The following STAG2 variants were observed in gnomAD, a reference collection of about 807,000 sequenced individuals.
STAG2 encodes cohesin subunit SA-2.
STAG2 carries 14 observed loss-of-function variants against 108.1 expected under a neutral mutation model. The ratio of observed to expected loss-of-function variants is 0.13; its 90% CI spans 0.09 to 0.20. The LOEUF (loss-of-function observed/expected upper bound fraction) is 0.20. Ranked by LOEUF, STAG2 falls within the 10% of genes least tolerant of loss-of-function variation. The pLI, the probability that STAG2 is intolerant of heterozygous loss-of-function variation, is 1.00. For missense variants in STAG2, 440 were observed against 940.9 expected (o/e 0.47, Z 6.96); for synonymous variants, 307 against 302.7 (o/e 1.01, Z -0.15).
intron 34 of STAG2, among the ~76,000 whole-genome samples, chrX:124,095,998 C>T (rs2059367046): frequency 9.1e-6 from 1 of 109,881 alleles, no homozygotes; most frequent in Non-Finnish European, 1.9e-5. Flanking sequence ...TATCAGTCCC[C>T]TGTGCCATAT....
chrX:124,029,964 G>A (rs1232776699), intron 4 of STAG2, among the ~76,000 whole-genome samples: 5 of 110,139 alleles, frequency 4.5e-5, no homozygotes, highest in African/African-American at 6.6e-5. Flanking sequence ...CTACCCGCGC[G>A]TCCCCACCCC....
intron 32 of STAG2, chrX:124,093,767 A>T (rs1299657988): frequency 1.7e-5 from 5 of 293,483 alleles, no homozygotes; most frequent in African/African-American, 1.4e-4. Context: ...AACCTTGTAT[A>T]TGGGATATCA....
intron 29 of STAG2, 77 bp downstream of exon 29, chrX:124,083,626 C>T: frequency 1.2e-6 from 1 of 830,345 alleles, no homozygotes; most frequent in South Asian, 3.1e-5. Flanking sequence ...TGGTTTCTCT[C>T]CTTTCTACTC....
In STAG2 at chrX:124,047,495, A is replaced by C. The variant is rs1162662365; in HGVS notation, c.809A>C (p.Lys270Thr). The C allele has an allele frequency of 8.3e-7, 1 of 1,206,537 alleles. No individual in the cohort carries two copies. Among genetic ancestry groups the C allele is most frequent in the Non-Finnish European group, 1.1e-6 (1 of 893,414 alleles). ...ANERLELLLQ[K>T]RKELQENQDE... Reference sequence around the variant, plus strand: ...GAGAGGCTAGAACTCCTGCTACAAAAGCGGAAAGAGGTAAACTTTTATATT... The same window carrying C: ...GAGAGGCTAGAACTCCTGCTACAAACGCGGAAAGAGGTAAACTTTTATATT... Residue 270 changes from lysine (K) to threonine (T), a missense_variant, in exon 9 of 35, where the codon AAG becomes ACG. By Grantham distance (78) the Lys-to-Thr change is moderately conservative. Coordinates refer to ENST00000371145, the MANE Select transcript of STAG2 (RefSeq NM_001042750.2).
chrX:124,057,313 G>A (rs1263025708), intron 14 of STAG2, among the ~76,000 whole-genome samples: 1 of 111,639 alleles, frequency 9.0e-6, no homozygotes, highest in Non-Finnish European at 1.9e-5. Context: ...AATGCCTGTT[G>A]GGGGTGCAGC....
At chrX:123,982,585 C>T (rs1244243478) in intron 1 of STAG2, among the ~76,000 whole-genome samples, 1 of 110,973 alleles carries the variant, frequency 9.0e-6, no homozygotes, top group Non-Finnish European at 1.9e-5. Flanking sequence ...TGGAGTTTCA[C>T]CATGTTGGCC....
chrX:124,050,151 A>G lies in STAG2; in HGVS notation c.894-35A>G, dbSNP rs2236535. On this transcript the variant is annotated intron_variant, in intron 10 of 34. Transcript: ENST00000371145. ...ACCATAAGTTTTGTGGTATATTGGC[A>G]CTAATTATGCATCGTTTTTCCTTCC... is the stretch of plus-strand genomic sequence containing the variant. The G allele has an allele frequency of 6.1e-4, 734 of 1,196,760 alleles. 6 individuals are homozygous for G. In the East Asian group the frequency reaches 0.022, roughly 35 times the overall value.
intron 7 of STAG2, among the ~76,000 whole-genome samples, chrX:124,044,306 A>G (rs368960803): frequency 1.4e-4 from 16 of 111,917 alleles, no homozygotes; most frequent in African/African-American, 5.2e-4. Context: ...TCACTAAATT[A>G]GCCAATCAGA....
intron 1 of STAG2, among the ~76,000 whole-genome samples, chrX:123,992,026 TTAAAGTATATGGGA>T: frequency 8.9e-6 from 1 of 112,491 alleles, no homozygotes; most frequent in Non-Finnish European, 1.9e-5. Flanking sequence ...TAGAAGTGAT[TTAAAGTATATGGGA>T]GGATGTACGT....
chrX:124,026,087 C>CAGGTAGCCTT (rs1458158035), intron 4 of STAG2, among the ~76,000 whole-genome samples, 169 bp downstream of exon 4: 1 of 104,783 alleles, frequency 9.5e-6, no homozygotes, highest in Non-Finnish European at 1.9e-5. Context: ...TCTTCTAGAC[C>CAGGTAGCCTT]AGGTAGCCTT....
At position 123,967,947 on chromosome X, in the gene STAG2, C is replaced by G. The variant is rs752632153; in HGVS notation, c.-163+6091C>G. ...ATGGAGTCTCCCTCTGTCGCTCAGG[C>G]TGGGGTGCAGTGGCGAGATCTTGGC... On this transcript the variant is annotated intron_variant, in intron 1 of 34. Coordinates refer to ENST00000371145, the MANE Select transcript of STAG2 (RefSeq NM_001042750.2). 1.5e-3 allele frequency among the ~76,000 whole-genome samples: 167 copies of G among 108,391 alleles called. 1 individual carries two copies. The highest frequency in any genetic ancestry group is 0.015 in the Admixed American group (152 of 10,104). The allele number at this position is 108,391 out of a possible 115,157, so 94.1% of individuals were successfully genotyped here. A position where few individuals can be genotyped will look rare whatever the true frequency, so the allele number is the denominator to read the frequency against.
Position 124,051,099 on chromosome X carries a change from CTTTT to C in STAG2, c.1018-6_1018-3del, listed in dbSNP as rs747648873. ...ATAGAGTTTTAATGCATTGTCTCAT[CTTTT>C]TTTTTTTTTTTTTTTAGCAAGGTGA... On this transcript the variant is annotated intron_variant, in intron 11 of 34. Coordinates refer to ENST00000371145, the MANE Select transcript of STAG2 (RefSeq NM_001042750.2). 1,169 of 517,297 alleles carry C rather than the reference CTTTT, an allele frequency of 2.3e-3. No homozygotes were observed. Among genetic ancestry groups the C allele is most frequent in the Non-Finnish European group, 2.5e-3 (863 of 345,474 alleles). The allele number at this position is 517,297 out of a possible 1,213,427, so 42.6% of individuals were successfully genotyped here.
intron 1 of STAG2, among the ~76,000 whole-genome samples, chrX:123,980,328 A>G (rs2054818259): frequency 9.0e-6 from 1 of 111,060 alleles, no homozygotes; most frequent in Non-Finnish European, 1.9e-5. Flanking sequence ...TGAAAACATC[A>G]TGCTTAACTT....
At chrX:123,981,934 G>A (rs2054897783) in intron 1 of STAG2, among the ~76,000 whole-genome samples, 1 of 111,523 alleles carries the variant, frequency 9.0e-6, no homozygotes, top group African/African-American at 3.3e-5. Context: ...AGCCAAAAGA[G>A]ACTATAAAAC....
intron 8 of STAG2, 51 bp from the exon 9 acceptor site, chrX:124,047,302 AT>A: frequency 9.5e-7 from 1 of 1,055,461 alleles, no homozygotes. Context: ...TAAATTGTAA[AT>A]TTTTGTGTCT....
At chrX:124,066,151 T>A (rs764706288) in intron 21 of STAG2, 24 bp from the exon 22 acceptor site, 27 of 938,782 alleles carry the variant, frequency 2.9e-5, no homozygotes, top group Non-Finnish European at 3.7e-5. Context: ...TAATTTTTTT[T>A]TTTTTTTTTT....
chrX:124,068,622 A>G lies in STAG2; in HGVS notation c.2324A>G (p.Tyr775Cys). 8.4e-7 allele frequency: 1 copy of G among 1,192,840 alleles called. No homozygotes were observed. Among genetic ancestry groups the G allele is most frequent in the Non-Finnish European group, 1.1e-6 (1 of 887,735 alleles). The change falls in exon 24 of 35, where the codon TAC becomes TGC. Residue 775 changes from tyrosine to cysteine, a missense_variant. Around this residue, in one of 3 missense-constraint regions of STAG2, gnomAD observed 337 missense variants for 649.3 expected, o/e 0.52. Coordinates refer to ENST00000371145, the MANE Select transcript of STAG2 (RefSeq NM_001042750.2). ...GTATTTTGTCAGATATGTCAACATT[A>G]CCTGACCAACGTGAATACTACTGTT... ...MRVFCQICQH[Y>C]LTNVNTTVKE...
At chrX:124,010,115 A>G (rs1456469230) in intron 1 of STAG2, among the ~76,000 whole-genome samples, 1 of 111,757 alleles carries the variant, frequency 8.9e-6, no homozygotes, top group Non-Finnish European at 1.9e-5. Flanking sequence ...TTGATAAAAG[A>G]GGTTTCAAAT....
intron 8 of STAG2, among the ~76,000 whole-genome samples, chrX:124,045,694 G>C (rs1055842693): frequency 6.3e-5 from 7 of 111,216 alleles, no homozygotes; most frequent in African/African-American, 2.0e-4. Context: ...TTGGACTATA[G>C]GTATGCATTG....
Sources: allele counts gnomAD v4.1 joint callset (sites outside exome capture counted in the v4.1 genomes callset), GRCh38; gene constraint gnomAD v4.1.1; regional missense constraint gnomAD v4.1.1; transcripts MANE v1.5; gene names NCBI Gene and HGNC (gene_info 2026-07-23, HGNC 2026-07-21).